The following HELZ variants were observed in gnomAD, a reference collection of about 807,000 sequenced individuals.
The protein encoded by HELZ is helicase with zinc finger, also known as ATP-dependent RNA helicase with zinc finger domain.
HELZ carries 23 observed loss-of-function variants against 218.2 expected under a neutral mutation model. The ratio of observed to expected loss-of-function variants is 0.11; its 90% CI spans 0.08 to 0.15. HELZ has a LOEUF of 0.15. HELZ is among the 10% of genes least tolerant of loss of function. The probability of loss-of-function intolerance (pLI) is 1.00; values close to 1 mark genes in which losing one functional copy is unlikely to be tolerated. For synonymous variants in HELZ, 814 were observed against 829.4 expected, an observed-to-expected ratio of 0.98 and a Z score of 0.32; for missense variants, 1,813 against 2,353.7, an observed-to-expected ratio of 0.77 and a Z score of 4.75.
At chr17:67,126,184 A>G (rs1286118736) in intron 24 of HELZ, among the ~76,000 whole-genome samples, 2 of 152,214 alleles carry the variant, frequency 1.3e-5, no homozygotes, top group African/African-American at 2.4e-5. Flanking sequence ...TCTGACTCAT[A>G]TAATTGCCAG....
At chr17:67,200,004 C>T (rs1351075450) in intron 7 of HELZ, among the ~76,000 whole-genome samples, 2 of 152,176 alleles carry the variant, frequency 1.3e-5, no homozygotes, top group African/African-American at 2.4e-5. Context: ...ATTACACTTA[C>T]AGTTGTTCAA....
intron 6 of HELZ, among the ~76,000 whole-genome samples, chr17:67,201,742 T>C (rs952277935): frequency 3.9e-5 from 6 of 152,220 alleles, no homozygotes; most frequent in South Asian, 4.1e-4. Context: ...AACTGTAATA[T>C]ACTTAACTTA....
In HELZ at chr17:67,074,859, TTAAAA is replaced by T. The variant is rs928051642; in HGVS notation, c.*3388_*3392del. On this transcript the variant is annotated 3_prime_UTR_variant, in exon 33 of 33. Transcript: ENST00000358691. ...TAAACTTATTCTAAAATCTGATGAT[TTAAAA>T]AAAAAAAAAATCTACACAAAGCAGT... 1.0e-4 allele frequency: 15 copies of T among 145,732 alleles called. No homozygotes were observed. The highest frequency in any genetic ancestry group is 3.1e-4 in the African/African-American group (12 of 38,324). The allele number at this position is 145,732 out of a possible 1,614,324, so 9.0% of individuals were successfully genotyped here.
intron 3 of HELZ, among the ~76,000 whole-genome samples, chr17:67,224,046 C>G (rs2040824655): frequency 6.6e-6 from 1 of 152,204 alleles, no homozygotes; most frequent in East Asian, 1.9e-4. Context: ...CTCTCCCCAT[C>G]TCTCAGACCA....
intron 7 of HELZ, chr17:67,200,777 T>C: frequency 4.5e-6 from 1 of 220,582 alleles, no homozygotes; most frequent in African/African-American, 2.2e-5. Flanking sequence ...TGAGGATATC[T>C]CATTTTTAAT....
rs1415224137 is a variant in HELZ at position 67,178,838 on chromosome 17, T to C, written c.1251A>G (p.Glu417=). 9 of 1,613,638 alleles carry C rather than the reference T, an allele frequency of 5.6e-6. No individual in the cohort carries two copies. The highest frequency in any genetic ancestry group is 1.3e-5 in the African/African-American group (1 of 74,902). ...DSSSKTIIDF[E]PNETTDLEKS... is the part of the protein sequence containing the mutation. ...TCTCCAAATCAGTAGTTTCATTAGG[T>C]TCAAAATCTATAATAGTCTTAGAGG... Residue 417 remains glutamate (E), a synonymous_variant, in exon 13 of 33, where the codon GAA becomes GAG. Coordinates refer to ENST00000358691, the MANE Select transcript of HELZ (RefSeq NM_014877.4).
chr17:67,105,578 G>C (rs1200361325), intron 31 of HELZ, among the ~76,000 whole-genome samples: 1 of 152,128 alleles, frequency 6.6e-6, no homozygotes, highest in Non-Finnish European at 1.5e-5. Context: ...CCACCAAATT[G>C]TACAATTTAA....
At chr17:67,238,078 G>A (rs918492255) in intron 3 of HELZ, among the ~76,000 whole-genome samples, 2 of 151,708 alleles carry the variant, frequency 1.3e-5, no homozygotes, top group African/African-American at 2.4e-5. Context: ...AGGCATGGTG[G>A]CTCACACCTG....
At position 67,142,980 on chromosome 17, in the gene HELZ, C is replaced by T. The variant is rs147883566; in HGVS notation, c.2769+2763G>A. Among the ~76,000 whole-genome samples, 1,223 of 151,956 alleles carry T rather than the reference C, an allele frequency of 8.0e-3. 14 individuals carry two copies. The highest frequency in any genetic ancestry group is 0.028 in the African/African-American group (1,162 of 41,434). Reference sequence around the variant, plus strand: ...TTCACCATGTTGCCCAGGCTGGTCTCGAAGTCCTGAGCTCAAGCAATATAT... The same window carrying T: ...TTCACCATGTTGCCCAGGCTGGTCTTGAAGTCCTGAGCTCAAGCAATATAT... On this transcript the variant is annotated intron_variant, in intron 21 of 32. Transcript: ENST00000358691.
At chr17:67,152,737 A>C (rs2038723399) in intron 17 of HELZ, among the ~76,000 whole-genome samples, 2 of 146,128 alleles carry the variant, frequency 1.4e-5, no homozygotes, top group Admixed American at 1.4e-4. Context: ...TTGAGACTAG[A>C]TGAGATTACC....
chr17:67,173,090 A>C, intron 13 of HELZ: 1 of 926,240 alleles, frequency 1.1e-6, no homozygotes, highest in Non-Finnish European at 1.3e-6. Context: ...AGTGCTAAGA[A>C]ATAAAATAAA....
chr17:67,144,510 A>G (rs2038433416), intron 21 of HELZ, among the ~76,000 whole-genome samples: 1 of 152,010 alleles, frequency 6.6e-6, no homozygotes, highest in African/African-American at 2.4e-5. Flanking sequence ...ACCTTTGAGT[A>G]AAACTGACAG....
chr17:67,214,193 C>T (rs904780827), intron 5 of HELZ, among the ~76,000 whole-genome samples: 3 of 150,544 alleles, frequency 2.0e-5, no homozygotes, highest in Non-Finnish European at 4.4e-5. Flanking sequence ...TCTCAAAGCA[C>T]ACAATTCTAT....
chr17:67,100,757 C>T (rs2036899764), intron 31 of HELZ, among the ~76,000 whole-genome samples: 1 of 151,804 alleles, frequency 6.6e-6, no homozygotes, highest in South Asian at 2.1e-4. Flanking sequence ...AATGAAGATG[C>T]TACAGATTTT....
At chr17:67,209,980 A>G (rs1353506993) in intron 5 of HELZ, among the ~76,000 whole-genome samples, 4 of 152,098 alleles carry the variant, frequency 2.6e-5, no homozygotes, top group Non-Finnish European at 1.5e-5. Context: ...CTTTGGGAGG[A>G]TGAGGCAAGA....
At chr17:67,100,346 T>A (rs1396347235) in intron 31 of HELZ, among the ~76,000 whole-genome samples, 1 of 152,192 alleles carries the variant, frequency 6.6e-6, no homozygotes, top group Non-Finnish European at 1.5e-5. Flanking sequence ...AACATGTATG[T>A]CATCTCTAAG....
intron 27 of HELZ, among the ~76,000 whole-genome samples, chr17:67,116,386 C>A (rs1464197459): frequency 6.6e-6 from 1 of 151,976 alleles, no homozygotes; most frequent in East Asian, 1.9e-4. Context: ...GAGACTGTCA[C>A]ATTAGATTGA....
chr17:67,090,662 G>T (rs764454586), intron 31 of HELZ, among the ~76,000 whole-genome samples: 9 of 152,054 alleles, frequency 5.9e-5, no homozygotes, highest in Non-Finnish European at 1.0e-4. Context: ...GAATGTATGT[G>T]CACAGAGTTG....
rs199669015 is a variant in HELZ at position 67,114,418 on chromosome 17, A to T, written c.3839-15T>A. The T allele has an allele frequency of 1.8e-4, 275 of 1,493,774 alleles. 1 individual carries two copies. The highest frequency in any genetic ancestry group is 6.0e-4 in the Admixed American group (36 of 59,554). 92.5% of individuals were successfully genotyped at this position (1,493,774 alleles called of 1,614,324 possible). A position where few individuals can be genotyped will look rare whatever the true frequency, so the allele number is the denominator to read the frequency against. Reference sequence around the variant, plus strand: ...ATCACTTTTACCTAAGAAAATATTTAAAAATCCTTATAAGTTTTCTCCAGT... The same window carrying T: ...ATCACTTTTACCTAAGAAAATATTTTAAAATCCTTATAAGTTTTCTCCAGT... On this transcript the variant is annotated splice_polypyrimidine_tract_variant and intron_variant, in intron 27 of 32. Coordinates refer to ENST00000358691, the MANE Select transcript of HELZ (RefSeq NM_014877.4).
Sources: allele counts gnomAD v4.1 joint callset (sites outside exome capture counted in the v4.1 genomes callset), GRCh38; gene constraint gnomAD v4.1.1; transcripts MANE v1.5; gene names NCBI Gene and HGNC (gene_info 2026-07-23, HGNC 2026-07-21).